The following CALCRL variants were observed in gnomAD, a reference collection of about 807,000 sequenced individuals.
The protein encoded by CALCRL is calcitonin gene-related peptide type 1 receptor.
A neutral mutation model predicts 60.4 loss-of-function variants in CALCRL; 27 were observed. The observed-to-expected ratio is 0.45, with a 90% CI of 0.33 to 0.62. The LOEUF (loss-of-function observed/expected upper bound fraction) is 0.62, where lower values mean the gene tolerates loss of function less well. Among genes scored for constraint, CALCRL ranks in the 20% least tolerant of loss-of-function variants. CALCRL has a pLI of 0.03. For synonymous variants in CALCRL, 190 were observed against 182.6 expected (o/e 1.04, Z -0.33); for missense variants, 424 against 540.7 (o/e 0.78, Z 2.14).
At chr2:187,352,456 G>C (rs1048898782) in intron 12 of CALCRL, 124 bp from the exon 13 acceptor site, 1 of 604,648 alleles carries the variant, frequency 1.7e-6, no homozygotes. Flanking sequence ...TTTTTAAAGG[G>C]TATTATTGCC....
rs1338583477 is a variant in CALCRL at position 187,409,438 on chromosome 2, G to T, written c.-292-21682C>A. On this transcript the variant is annotated intron_variant, in intron 1 of 14. Transcript: ENST00000392370. ...ACAAAATATTTGAGTTTATAGAAAT[G>T]TAAGTTTAGTGCCATGACTGCATAC... Among the ~76,000 whole-genome samples the T allele has an allele frequency of 3.3e-5, 5 of 152,352 alleles. No individual in the cohort carries two copies. The East Asian group carries it at 9.6e-4, about 29-fold the overall frequency.
chr2:187,406,724 TGAGAAAGAGACA>T (rs1312383630), intron 1 of CALCRL, among the ~76,000 whole-genome samples: 1 of 152,120 alleles, frequency 6.6e-6, no homozygotes, highest in Non-Finnish European at 1.5e-5. Flanking sequence ...TGTGTACATA[TGAGAAAGAGACA>T]GAGACAGAGA....
At chr2:187,359,161 A>T in intron 11 of CALCRL, 32 bp from the exon 12 acceptor site, 1 of 1,603,714 alleles carries the variant, frequency 6.2e-7, no homozygotes, top group East Asian at 2.2e-5. Flanking sequence ...TATGTTGAAA[A>T]TTTTTATTTT....
intron 1 of CALCRL, among the ~76,000 whole-genome samples, chr2:187,401,966 G>A (rs1025827260): frequency 6.0e-5 from 9 of 150,390 alleles, no homozygotes; most frequent in Non-Finnish European, 3.0e-5. Context: ...AAAGGAAGAA[G>A]GGAAGGAAGG....
intron 1 of CALCRL, among the ~76,000 whole-genome samples, chr2:187,429,957 T>G (rs1690325989): frequency 6.6e-6 from 1 of 152,220 alleles, no homozygotes; most frequent in African/African-American, 2.4e-5. Context: ...ACACAGATAG[T>G]GGAGGCCAAA....
At chr2:187,347,477 TC>T (rs1686333019) in intron 14 of CALCRL, among the ~76,000 whole-genome samples, 1 of 151,910 alleles carries the variant, frequency 6.6e-6, no homozygotes, top group African/African-American at 2.4e-5. Context: ...TAATTCATTT[TC>T]TACGTACTGA....
intron 1 of CALCRL, among the ~76,000 whole-genome samples, chr2:187,389,739 A>G (rs754074306): frequency 2.0e-5 from 3 of 152,072 alleles, no homozygotes; most frequent in African/African-American, 4.8e-5. Context: ...TGAATATTTT[A>G]TTTAAGTAAA....
chr2:187,362,776 A>G (rs10439309), intron 9 of CALCRL, among the ~76,000 whole-genome samples: 3,503 of 152,236 alleles, frequency 0.023, 134 homozygotes, highest in African/African-American at 0.079. Flanking sequence ...GCAACAATTT[A>G]TAAATATTTA....
At chr2:187,365,406 AG>A (rs1362994068) in intron 8 of CALCRL, among the ~76,000 whole-genome samples, 1 of 152,146 alleles carries the variant, frequency 6.6e-6, no homozygotes, top group Non-Finnish European at 1.5e-5. Context: ...GTTTAGAGAG[AG>A]GAACTGCTTA....
intron 8 of CALCRL, among the ~76,000 whole-genome samples, chr2:187,374,740 T>C (rs1687673250): frequency 1.3e-5 from 2 of 152,180 alleles, no homozygotes; most frequent in African/African-American, 4.8e-5. Flanking sequence ...ATGATTGATA[T>C]AGTCTAATGA....
At chr2:187,408,321 G>C (rs1462173674) in intron 1 of CALCRL, among the ~76,000 whole-genome samples, 1 of 151,900 alleles carries the variant, frequency 6.6e-6, no homozygotes, top group Non-Finnish European at 1.5e-5. Flanking sequence ...CTAGGGTGAG[G>C]TTTTTCTTTC....
intron 1 of CALCRL, among the ~76,000 whole-genome samples, chr2:187,418,768 CTTT>C (rs1432646343): frequency 1.3e-5 from 2 of 151,140 alleles, no homozygotes; most frequent in African/African-American, 4.9e-5. Flanking sequence ...GAGATGTGTT[CTTT>C]ATCTTTATTC....
chr2:187,377,921 T>A (rs1392168021), intron 8 of CALCRL, among the ~76,000 whole-genome samples: 2 of 152,044 alleles, frequency 1.3e-5, no homozygotes, highest in Non-Finnish European at 2.9e-5. Context: ...TGTTAGAAAT[T>A]GCTTAATAGG....
rs570336524 is a variant in CALCRL at position 187,387,491 on chromosome 2, G to A, written c.-199C>T. 23 of 302,050 alleles carry A rather than the reference G, an allele frequency of 7.6e-5. No homozygotes were observed. The highest frequency in any genetic ancestry group is 1.3e-4 in the Non-Finnish European group (22 of 167,442). The allele number at this position is 302,050 out of a possible 1,614,324, so 18.7% of individuals were successfully genotyped here. The stretch of plus-strand genomic sequence containing the variant: ...CTAGTATGGGTTTTTATTATTAGAC[G>A]ATCTTGAGAAAAATATAACCAAAAT... On this transcript the variant is annotated splice_region_variant and 5_prime_UTR_variant, in exon 3 of 15. Transcript: ENST00000392370.
At chr2:187,368,258 A>G (rs1421805375) in intron 8 of CALCRL, among the ~76,000 whole-genome samples, 1 of 152,122 alleles carries the variant, frequency 6.6e-6, no homozygotes, top group East Asian at 1.9e-4. Context: ...CATAATTATC[A>G]TATGGTTGAT....
intron 1 of CALCRL, among the ~76,000 whole-genome samples, chr2:187,406,340 A>C (rs935113722): frequency 6.6e-6 from 1 of 152,032 alleles, no homozygotes; most frequent in Admixed American, 6.6e-5. Context: ...AATTATTTGT[A>C]AGCAAACGTG....
chr2:187,372,688 G>A (rs1366078030), intron 8 of CALCRL, among the ~76,000 whole-genome samples: 1 of 152,122 alleles, frequency 6.6e-6, no homozygotes, highest in Non-Finnish European at 1.5e-5. Context: ...GAGGAAAAAA[G>A]TTTCCCATAC....
At chr2:187,445,661 C>T (rs1691146478) in intron 1 of CALCRL, among the ~76,000 whole-genome samples, 1 of 151,374 alleles carries the variant, frequency 6.6e-6, no homozygotes, top group Non-Finnish European at 1.5e-5. Flanking sequence ...ACTTTGTCCA[C>T]ATTAATCTGT....
chr2:187,347,598 CTT>C (rs1206419480), intron 14 of CALCRL, among the ~76,000 whole-genome samples: 1 of 151,576 alleles, frequency 6.6e-6, no homozygotes, highest in African/African-American at 2.4e-5. Context: ...TTACTTCTCT[CTT>C]GTTATTTCCT....
Sources: gnomAD v4.1 joint callset for allele counts (sites outside exome capture counted in the v4.1 genomes callset) on GRCh38, gnomAD v4.1.1 for gene constraint, MANE v1.5 for transcripts, NCBI Gene and HGNC (gene_info 2026-07-23, HGNC 2026-07-21) for gene names.